The following KCNH8 variants were observed in gnomAD, a reference collection of about 807,000 sequenced individuals.
The protein encoded by KCNH8 is potassium voltage-gated channel subfamily H member 8.
Under a neutral mutation model 103.6 loss-of-function variants are expected in KCNH8, and 70 were observed. That is an observed-to-expected ratio of 0.68 (90% CI 0.56 to 0.82). KCNH8 has a LOEUF of 0.82. Among genes scored for constraint, KCNH8 ranks in the 40% least tolerant of loss-of-function variants. The pLI is 0.00. For missense variants in KCNH8, 1,217 were observed against 1,329.9 expected (o/e 0.92, Z 1.32); for synonymous variants, 498 against 489.4 (o/e 1.02, Z -0.23).
intron 11 of KCNH8, among the ~76,000 whole-genome samples, chr3:19,463,773 G>A (rs2067681916): frequency 6.6e-6 from 1 of 151,994 alleles, no homozygotes; most frequent in African/African-American, 2.4e-5. Flanking sequence ...GGTCTATAAC[G>A]GGGATTGTAT....
intron 8 of KCNH8, among the ~76,000 whole-genome samples, chr3:19,441,571 A>T (rs927314267): frequency 1.3e-5 from 2 of 152,190 alleles, no homozygotes; most frequent in Non-Finnish European, 2.9e-5. Context: ...GTGCATACTT[A>T]CTTCTCTCCT....
chr3:19,194,007 A>G (rs1415698055), intron 1 of KCNH8, among the ~76,000 whole-genome samples: 2 of 151,722 alleles, frequency 1.3e-5, no homozygotes, highest in African/African-American at 4.8e-5. Flanking sequence ...AACCGAGCAT[A>G]TTTGGAAAGG....
In KCNH8 at chr3:19,450,165, A is replaced by C. The variant is rs772361807; in HGVS notation, c.1435A>C (p.Arg479=). The part of the protein sequence containing the change: ...VTAIIQRMYS[R]WSLYHTRTKD... ...AGCAATCATACAGAGGATGTACTCC[A>C]GATGGTCCCTCTATCACACTAGAAC... Residue 479 remains arginine, a synonymous_variant, in exon 9 of 16, where the codon AGA becomes CGA. Transcript: ENST00000328405. 6.2e-7 allele frequency: 1 copy of C among 1,613,608 alleles called. No homozygotes were observed. Among genetic ancestry groups the C allele is most frequent in the African/African-American group, 1.3e-5 (1 of 74,898 alleles).
chr3:19,151,061 C>A (rs1050169368), intron 1 of KCNH8, among the ~76,000 whole-genome samples: 11 of 151,432 alleles, frequency 7.3e-5, no homozygotes, highest in African/African-American at 2.7e-4. Flanking sequence ...TAATCTGAAA[C>A]TTAAAATACC....
intron 7 of KCNH8, among the ~76,000 whole-genome samples, chr3:19,403,380 ATATATATATATATATATAT>A (rs2066643451): frequency 1.1e-4 from 3 of 27,640 alleles, no homozygotes; most frequent in Admixed American, 3.5e-4. Context: ...ATATATATAT[ATATATATATATATATATAT>A]AAAATCCTTC....
intron 7 of KCNH8, among the ~76,000 whole-genome samples, chr3:19,431,356 C>G (rs185761740): frequency 6.6e-5 from 10 of 152,296 alleles, no homozygotes; most frequent in South Asian, 2.1e-4. Context: ...GATGGATAAG[C>G]TTTTTGATGT....
chr3:19,394,961 T>C lies in KCNH8; in HGVS notation c.970-143T>C, dbSNP rs1339413372. 4 of 648,554 alleles carry C rather than the reference T, an allele frequency of 6.2e-6. No individual in the cohort carries two copies. In the Admixed American group the frequency reaches 9.6e-5, roughly 15 times the overall value. 40.2% of individuals were successfully genotyped at this position (648,554 alleles called of 1,614,324 possible). ...AATTCTATCACTTTCTGATATAATA[T>C]GTCAAGAACAAAGAATTCATAAAAA... On this transcript the variant is annotated intron_variant, in intron 6 of 15. Coordinates refer to ENST00000328405, the MANE Select transcript of KCNH8 (RefSeq NM_144633.3).
At chr3:19,382,930 C>G (rs2066307373) in intron 5 of KCNH8, among the ~76,000 whole-genome samples, 1 of 152,120 alleles carries the variant, frequency 6.6e-6, no homozygotes, top group African/African-American at 2.4e-5. Context: ...GGCACCTAGG[C>G]TGACAGAAGA....
In KCNH8 at chr3:19,154,742, A is replaced by T. The variant is rs369262974; in HGVS notation, c.76+5947A>T. Among the ~76,000 whole-genome samples, 234 of 152,294 alleles carry T rather than the reference A, an allele frequency of 1.5e-3. 2 individuals are homozygous for T. Among genetic ancestry groups the T allele is most frequent in the African/African-American group, 5.2e-3 (217 of 41,578 alleles). On this transcript the variant is annotated intron_variant, in intron 1 of 15. Transcript: ENST00000328405. ...CTCCTCCAGGGCGGTTTACCCCTGT[A>T]TTATTCTAGAGTTATGTCCTTGGTC...
At chr3:19,472,176 G>T (rs987866591) in intron 11 of KCNH8, among the ~76,000 whole-genome samples, 2 of 145,714 alleles carry the variant, frequency 1.4e-5, no homozygotes, top group African/African-American at 5.0e-5. Context: ...AAAGCTTATT[G>T]GAATTTAATC....
At chr3:19,232,473 A>G (rs1320410157) in intron 1 of KCNH8, among the ~76,000 whole-genome samples, 1 of 152,230 alleles carries the variant, frequency 6.6e-6, no homozygotes, top group Non-Finnish European at 1.5e-5. Flanking sequence ...TTACCTAGCT[A>G]ATCTTATGCT....
intron 1 of KCNH8, among the ~76,000 whole-genome samples, chr3:19,224,792 T>G (rs1399741572): frequency 6.6e-6 from 1 of 152,130 alleles, no homozygotes; most frequent in South Asian, 2.1e-4. Context: ...GAATTACCAG[T>G]CATTCCCAAG....
intron 7 of KCNH8, among the ~76,000 whole-genome samples, chr3:19,417,545 G>A (rs1018829196): frequency 6.6e-6 from 1 of 151,736 alleles, no homozygotes; most frequent in Non-Finnish European, 1.5e-5. Flanking sequence ...CCCTTTATGT[G>A]GGAAAATCAT....
At chr3:19,473,169 T>C (rs2125205278) in intron 11 of KCNH8, among the ~76,000 whole-genome samples, 1 of 152,326 alleles carries the variant, frequency 6.6e-6, no homozygotes, top group Non-Finnish European at 1.5e-5. Flanking sequence ...ATTTGTCCAC[T>C]AACATAATCT....
chr3:19,485,813 C>G (rs1204941399), intron 11 of KCNH8, among the ~76,000 whole-genome samples: 1 of 152,186 alleles, frequency 6.6e-6, no homozygotes, highest in Non-Finnish European at 1.5e-5. Context: ...TAGTGCATGA[C>G]TGCCACCTTT....
intron 15 of KCNH8, among the ~76,000 whole-genome samples, chr3:19,520,459 T>C (rs574891560): frequency 2.8e-4 from 43 of 152,050 alleles, no homozygotes; most frequent in African/African-American, 9.6e-4. Flanking sequence ...CCCACTAAGA[T>C]GGGCAGAATA....
intron 2 of KCNH8, among the ~76,000 whole-genome samples, chr3:19,272,709 A>T (rs145384195): frequency 8.8e-4 from 134 of 152,294 alleles, no homozygotes; most frequent in African/African-American, 3.1e-3. Context: ...TGGCATTTTC[A>T]TGAATAATTC....
intron 15 of KCNH8, among the ~76,000 whole-genome samples, chr3:19,525,825 C>T (rs1028708294): frequency 1.1e-4 from 16 of 151,842 alleles, no homozygotes; most frequent in African/African-American, 3.1e-4. Context: ...CAGCTGTAGA[C>T]AAAGATTTAC....
Position 19,518,526 on chromosome 3 carries a change from T to C in KCNH8, c.2619+452T>C, listed in dbSNP as rs537496428. On this transcript the variant is annotated intron_variant, in intron 15 of 15. Transcript: ENST00000328405. ...TTCTTTCCTCTGACTTGTATTTGCT[T>C]GTGTCACCTTGGGTACTTTACCTCT... 2.3e-3 allele frequency among the ~76,000 whole-genome samples: 347 copies of C among 152,170 alleles called. 2 individuals carry two copies. Among genetic ancestry groups the C allele is most frequent in the Non-Finnish European group, 4.0e-3 (270 of 67,962 alleles).
Sources: allele counts gnomAD v4.1 joint callset (sites outside exome capture counted in the v4.1 genomes callset), GRCh38; gene constraint gnomAD v4.1.1; transcripts MANE v1.5; gene names NCBI Gene and HGNC (gene_info 2026-07-23, HGNC 2026-07-21).